The following TUSC3 variants were observed in gnomAD, a reference collection of about 807,000 sequenced individuals.
TUSC3 encodes tumor suppressor candidate 3, also known as dolichyl-diphosphooligosaccharide--protein glycosyltransferase subunit TUSC3.
A neutral mutation model predicts 44.8 loss-of-function variants in TUSC3; 45 were observed. The ratio of observed to expected loss-of-function variants is 1.00; its 90% CI spans 0.79 to 1.29. The LOEUF (loss-of-function observed/expected upper bound fraction) is 1.29, where lower values mean the gene tolerates loss of function less well. Among genes scored for constraint, TUSC3 ranks in the 50% most tolerant of loss-of-function variants. The pLI is 0.00. For synonymous variants in TUSC3, 212 were observed against 152.9 expected, an observed-to-expected ratio of 1.39 and a Z score of -2.85; for missense variants, 519 against 437.9, an observed-to-expected ratio of 1.19 and a Z score of -1.65.
the TUSC3 span, among the ~76,000 whole-genome samples, chr8:15,799,978 T>C: frequency 6.6e-6 from 1 of 152,166 alleles, no homozygotes; most frequent in Non-Finnish European, 1.5e-5. Context: ...ATTCAGTAGG[T>C]TGCACTACAG....
upstream of TUSC3, among the ~76,000 whole-genome samples, chr8:15,537,266 G>A (rs777223787): frequency 3.3e-5 from 5 of 151,988 alleles, no homozygotes; most frequent in Non-Finnish European, 5.9e-5. Flanking sequence ...TCCACCAATC[G>A]TCAGTCAGAA....
chr8:15,734,094 T>C (rs879699884), intron 7 of TUSC3, among the ~76,000 whole-genome samples: 3 of 152,226 alleles, frequency 2.0e-5, no homozygotes, highest in Non-Finnish European at 2.9e-5. Context: ...CATTTGACAG[T>C]CTACTGCTAC....
At chr8:15,629,543 C>T (rs112842582) in intron 2 of TUSC3, among the ~76,000 whole-genome samples, 1,811 of 142,480 alleles carry the variant, frequency 0.013, 26 homozygotes, top group Non-Finnish European at 0.019. Flanking sequence ...CTGTCATTTG[C>T]GGCCATCTTG....
At chr8:15,751,747 T>G (rs1811714272) in intron 9 of TUSC3, among the ~76,000 whole-genome samples, 3 of 152,208 alleles carry the variant, frequency 2.0e-5, no homozygotes, top group African/African-American at 7.2e-5. Flanking sequence ...TCAGTTCATG[T>G]ATTTGGGAAA....
chr8:15,494,613 G>C (rs866041131), intron 2 of TUSC3, among the ~76,000 whole-genome samples: 37 of 152,230 alleles, frequency 2.4e-4, no homozygotes, highest in African/African-American at 8.7e-4. Flanking sequence ...CACCGCACCT[G>C]GCCTCTCATT....
intron 1 of TUSC3, among the ~76,000 whole-genome samples, chr8:15,417,854 C>T (rs984351318): frequency 2.0e-5 from 3 of 152,074 alleles, no homozygotes; most frequent in African/African-American, 7.2e-5. Flanking sequence ...TTCTCTTTCA[C>T]TCTCAGTATG....
At chr8:15,589,105 G>A (rs192189131) in intron 1 of TUSC3, among the ~76,000 whole-genome samples, 31 of 152,190 alleles carry the variant, frequency 2.0e-4, no homozygotes, top group African/African-American at 7.2e-4. Flanking sequence ...TTTAAAGTCT[G>A]TTTGTCAGAT....
intron 1 of TUSC3, among the ~76,000 whole-genome samples, chr8:15,543,794 T>C (rs1304416223): frequency 6.6e-6 from 1 of 151,642 alleles, no homozygotes; most frequent in African/African-American, 2.4e-5. Context: ...ATATGGTCTG[T>C]GGAATAGTCT....
intron 6 of TUSC3, among the ~76,000 whole-genome samples, chr8:15,692,115 GC>G (rs1482879479): frequency 2.0e-5 from 3 of 152,046 alleles, no homozygotes; most frequent in African/African-American, 7.2e-5. Flanking sequence ...GTTATGTTGT[GC>G]ATCACATTTA....
intron 2 of TUSC3, among the ~76,000 whole-genome samples, chr8:15,628,349 G>T (rs926762159): frequency 6.6e-6 from 1 of 151,968 alleles, no homozygotes; most frequent in African/African-American, 2.4e-5. Context: ...TTTACTTAAT[G>T]CATTTTGGTG....
chr8:15,815,772 TC>T, the TUSC3 span, among the ~76,000 whole-genome samples: 8 of 152,274 alleles, frequency 5.3e-5, no homozygotes, highest in African/African-American at 1.9e-4. Flanking sequence ...TACATTTTAG[TC>T]CCTTATTAGA....
chr8:15,695,506 C>T (rs913148678), intron 6 of TUSC3, among the ~76,000 whole-genome samples: 6 of 152,052 alleles, frequency 3.9e-5, no homozygotes, highest in South Asian at 2.1e-4. Context: ...AGTGTGAAAA[C>T]GGACTAATAC....
At chr8:15,851,653 C>T in the TUSC3 span, among the ~76,000 whole-genome samples, 3 of 152,276 alleles carry the variant, frequency 2.0e-5, no homozygotes, top group Admixed American at 6.5e-5. Context: ...GGTCCTCCAC[C>T]GCTGCTCAGA....
chr8:15,517,522 CAAAAAAAAAAAAAA>C (rs71211049), intron 2 of TUSC3, among the ~76,000 whole-genome samples: 88 of 77,568 alleles, frequency 1.1e-3, no homozygotes, highest in African/African-American at 1.3e-3. Context: ...TAGCGTGAGG[CAAAAAAAAAAAAAA>C]AAAAAAAAAA....
chr8:15,764,120 G>A (rs1812258802), intron 10 of TUSC3, 83 bp from the exon 11 acceptor site: 15 of 1,305,578 alleles, frequency 1.1e-5, no homozygotes, highest in Non-Finnish European at 1.6e-5. Context: ...ATTTACATGT[G>A]CTAATTTAGA....
chr8:15,563,660 T>C (rs1416325164), intron 1 of TUSC3, among the ~76,000 whole-genome samples: 1 of 126,406 alleles, frequency 7.9e-6, no homozygotes, highest in African/African-American at 3.1e-5. Context: ...CACTCCAGCC[T>C]GAGTGACAGA....
chr8:15,809,673 T>C, the TUSC3 span, among the ~76,000 whole-genome samples: 1 of 152,218 alleles, frequency 6.6e-6, no homozygotes, highest in Non-Finnish European at 1.5e-5. Context: ...ATGAATGTAG[T>C]TTCTCTCTCT....
chr8:15,750,938 A>C (rs1229050649), intron 9 of TUSC3, among the ~76,000 whole-genome samples: 3 of 152,046 alleles, frequency 2.0e-5, no homozygotes, highest in Non-Finnish European at 4.4e-5. Context: ...GAAAACCCTA[A>C]GGAGGAGCTG....
chr8:15,555,797 T>C (rs908412752), intron 1 of TUSC3, among the ~76,000 whole-genome samples: 2 of 151,494 alleles, frequency 1.3e-5, no homozygotes, highest in Admixed American at 1.3e-4. Context: ...CTAAGGAGGC[T>C]TTTGTTTAGA....
Sources: gnomAD v4.1 joint callset for allele counts (sites outside exome capture counted in the v4.1 genomes callset) on GRCh38, gnomAD v4.1.1 for gene constraint, MANE v1.5 for transcripts, NCBI Gene and HGNC (gene_info 2026-07-23, HGNC 2026-07-21) for gene names.